OTUD7A: variants seen among roughly 807,000 people sequenced by gnomAD.
The protein encoded by OTUD7A is OTU domain-containing protein 7A.
In OTUD7A, 12 loss-of-function variants were observed where a neutral mutation model predicts 65.7. The observed-to-expected ratio is 0.18, with a 90% CI of 0.12 to 0.30. The LOEUF (loss-of-function observed/expected upper bound fraction) is 0.30, where lower values mean the gene tolerates loss of function less well. OTUD7A is among the 10% of genes least tolerant of loss of function. The pLI, the probability that OTUD7A is intolerant of heterozygous loss-of-function variation, is 1.00. For synonymous variants in OTUD7A, 641 were observed against 586.3 expected (o/e 1.09, Z -1.35); for missense variants, 1,148 against 1,304.8 (o/e 0.88, Z 1.85).
chr15:31,489,155 C>T (rs911890902), intron 10 of OTUD7A, among the ~76,000 whole-genome samples: 9 of 152,218 alleles, frequency 5.9e-5, no homozygotes, highest in Admixed American at 2.0e-4. Context: ...AGCCTCGCTT[C>T]TTACTCATGG....
intron 5 of OTUD7A, 89 bp downstream of exon 5, chr15:31,558,880 G>T: frequency 7.2e-7 from 1 of 1,380,364 alleles, no homozygotes; most frequent in Non-Finnish European, 1.0e-6. Context: ...CTGAGAACAT[G>T]TGCCCTTCTC....
chr15:31,589,463 G>GT (rs58276599), intron 3 of OTUD7A, among the ~76,000 whole-genome samples: 1,340 of 116,272 alleles, frequency 0.012, 47 homozygotes, highest in African/African-American at 0.038. Context: ...TCCTGGGCTT[G>GT]TTTTTTTTTT....
chr15:31,626,164 TG>T (rs1890944798), intron 3 of OTUD7A, among the ~76,000 whole-genome samples: 1 of 152,210 alleles, frequency 6.6e-6, no homozygotes, highest in African/African-American at 2.4e-5. Context: ...CTAAGGCTTG[TG>T]CATTTCATTG....
At chr15:31,668,835 T>C (rs1274332588) in intron 1 of OTUD7A, among the ~76,000 whole-genome samples, 1 of 152,202 alleles carries the variant, frequency 6.6e-6, no homozygotes, top group African/African-American at 2.4e-5. Flanking sequence ...TTTTGTCTCA[T>C]GGCGTGTTCC....
At chr15:31,609,404 C>T (rs1890331346) in intron 3 of OTUD7A, among the ~76,000 whole-genome samples, 1 of 152,154 alleles carries the variant, frequency 6.6e-6, no homozygotes. Flanking sequence ...GAGACTGGCC[C>T]TTCAGATTGT....
At position 31,487,853 on chromosome 15, in the gene OTUD7A, T is replaced by C. The variant is rs1282644592; in HGVS notation, c.1172-287A>G. ...GGGCAGCAGAATGGGAAAAAAGCTA[T>C]TGCTGCCTCTGCTATTTCTAGGAAG... On this transcript the variant is annotated intron_variant, in intron 10 of 12. Transcript: ENST00000307050. This position sits in a 1 kb window ranked among gnomAD's most constrained non-coding sequence, Gnocchi z 6.0. 6.6e-6 allele frequency among the ~76,000 whole-genome samples: 1 copy of C among 152,186 alleles called. No homozygotes were observed. Among genetic ancestry groups the C allele is most frequent in the African/African-American group, 2.4e-5 (1 of 41,438 alleles).
At chr15:31,773,752 G>A (rs1895298752) in intron 1 of OTUD7A, among the ~76,000 whole-genome samples, 1 of 152,132 alleles carries the variant, frequency 6.6e-6, no homozygotes, top group South Asian at 2.1e-4. Context: ...TTTTTGATGG[G>A]TTTAAATATA....
intron 1 of OTUD7A, among the ~76,000 whole-genome samples, chr15:31,846,460 G>A (rs555957404): frequency 3.7e-4 from 57 of 152,306 alleles, no homozygotes; most frequent in African/African-American, 1.3e-3. Flanking sequence ...AGCCCACTGA[G>A]AACCCTAAAG....
At chr15:31,667,321 C>T (rs905182852) in intron 1 of OTUD7A, among the ~76,000 whole-genome samples, 9 of 151,964 alleles carry the variant, frequency 5.9e-5, no homozygotes, top group African/African-American at 2.2e-4. Flanking sequence ...GTTAGGTGCA[C>T]GTATGTTTAG....
chr15:31,673,364 A>G (rs1212718903), intron 1 of OTUD7A, among the ~76,000 whole-genome samples: 2 of 152,244 alleles, frequency 1.3e-5, no homozygotes, highest in Non-Finnish European at 2.9e-5. Context: ...GACCCAAAAC[A>G]TGGTAACACT....
rs1247826000 is a variant in OTUD7A at position 31,477,551 on chromosome 15, T to C, written c.*5743A>G. 6.6e-6 allele frequency: 1 copy of C among 152,198 alleles called. No homozygotes were observed. The highest frequency in any genetic ancestry group is 1.5e-5 in the Non-Finnish European group (1 of 68,034). The allele number at this position is 152,198 out of a possible 1,614,324, so 9.4% of individuals were successfully genotyped here. A position where few individuals can be genotyped will look rare whatever the true frequency, so the allele number is the denominator to read the frequency against. ...GGTGTATCTAACCATCTTGTACCCA[T>C]AGGAGCCAGGTCACTGGGTCAGCTA... On this transcript the variant is annotated 3_prime_UTR_variant, in exon 13 of 13. Transcript: ENST00000307050.
intron 1 of OTUD7A, among the ~76,000 whole-genome samples, chr15:31,663,246 AACACACACACAC>A (rs531313199): frequency 2.1e-5 from 3 of 140,644 alleles, no homozygotes; most frequent in South Asian, 2.4e-4. Context: ...TCTTGGGCTA[AACACACACACAC>A]ACACACACAC....
intron 1 of OTUD7A, among the ~76,000 whole-genome samples, chr15:31,837,702 A>T (rs1182181409): frequency 6.6e-6 from 1 of 152,266 alleles, no homozygotes; most frequent in Non-Finnish European, 1.5e-5. Flanking sequence ...ATGACTCAAC[A>T]TAATAAAGAT....
chr15:31,834,099 T>C (rs1194268812), intron 1 of OTUD7A, among the ~76,000 whole-genome samples: 1 of 152,258 alleles, frequency 6.6e-6, no homozygotes, highest in African/African-American at 2.4e-5. Flanking sequence ...AGCTTTTGCT[T>C]TGGGCAGAGT....
At chr15:31,867,973 A>C (rs1254689323) in intron 1 of OTUD7A, among the ~76,000 whole-genome samples, 1 of 152,186 alleles carries the variant, frequency 6.6e-6, no homozygotes, top group African/African-American at 2.4e-5. Context: ...CAACTTGGAG[A>C]TCCACTCCCA....
At chr15:31,553,328 G>T (rs1888386345) in intron 5 of OTUD7A, among the ~76,000 whole-genome samples, 1 of 152,092 alleles carries the variant, frequency 6.6e-6, no homozygotes, top group South Asian at 2.1e-4. Flanking sequence ...CTTGTTTTCT[G>T]TCCATGCTCC....
Position 31,503,796 on chromosome 15 carries a change from C to T in OTUD7A, c.916G>A (p.Val306Met), listed in dbSNP as rs765753323. 5 of 1,614,164 alleles carry T rather than the reference C, an allele frequency of 3.1e-6. No homozygotes were observed. The highest frequency in any genetic ancestry group is 2.2e-5 in the South Asian group (2 of 91,078). ...GGGVDNSEDP[V>M]YESLEEFHVF... ...TGGAACTCTTCCAGGCTCTCGTACACGGGGTCCTCAGAGTTGTCCACACTG... is the reference window on the plus strand; with the variant it reads ...TGGAACTCTTCCAGGCTCTCGTACATGGGGTCCTCAGAGTTGTCCACACTG... Residue 306 changes from valine (V) to methionine (M), a missense_variant, in exon 9 of 13, where the codon GTG (valine) becomes ATG (methionine). Transcript: ENST00000307050.
chr15:31,769,777 A>C (rs936860535), intron 1 of OTUD7A, among the ~76,000 whole-genome samples: 2 of 152,200 alleles, frequency 1.3e-5, no homozygotes, highest in Non-Finnish European at 2.9e-5. Context: ...AGGGGCAGAG[A>C]GCAGATTAGT....
intron 1 of OTUD7A, among the ~76,000 whole-genome samples, chr15:31,755,478 T>C (rs1894785729): frequency 6.6e-6 from 1 of 152,042 alleles, no homozygotes; most frequent in Non-Finnish European, 1.5e-5. Flanking sequence ...TACCAGCACT[T>C]TGGGAGGCCG....
Sources: gnomAD v4.1 joint callset for allele counts (sites outside exome capture counted in the v4.1 genomes callset) on GRCh38, gnomAD v4.1.1 for gene constraint, Gnocchi (gnomAD v3.1) non-coding constraint, MANE v1.5 for transcripts, NCBI Gene and HGNC (gene_info 2026-07-23, HGNC 2026-07-21) for gene names.